The following UGT2B4 variants were observed in gnomAD, a reference collection of about 807,000 sequenced individuals.
UGT2B4 encodes the protein UDP glucuronosyltransferase family 2 member B4.
In UGT2B4, 49 loss-of-function variants were observed where a neutral mutation model predicts 49.8. The observed-to-expected ratio is 0.98, with a 90% CI of 0.78 to 1.25. The LOEUF is 1.25. UGT2B4 is among the 50% of genes most tolerant of loss of function. The probability of loss-of-function intolerance (pLI) is 0.00; values close to 1 mark genes in which losing one functional copy is unlikely to be tolerated. For synonymous variants in UGT2B4, 246 were observed against 217.7 expected, an observed-to-expected ratio of 1.13 and a Z score of -1.14; for missense variants, 729 against 627.7, an observed-to-expected ratio of 1.16 and a Z score of -1.73.
chr4:69,514,844 A>G (rs1348536723), intron 1 of UGT2B4, among the ~76,000 whole-genome samples: 1 of 152,202 alleles, frequency 6.6e-6, no homozygotes, highest in Non-Finnish European at 1.5e-5. Flanking sequence ...GGGATGGAAG[A>G]AAATCTAGAA....
rs369757545 is a variant in UGT2B4, at chr4:69,485,505, C to T, written c.1091-78G>A. ...GCACAATGGAAGAATCTGAATGTGA[C>T]GGTGTTTCCTAGATAACACACTGAA... On this transcript the variant is annotated intron_variant, in intron 4 of 5. Transcript: ENST00000305107. 9.8e-5 allele frequency: 155 copies of T among 1,575,330 alleles called. 1 individual carries two copies. Among genetic ancestry groups the T allele is most frequent in the East Asian group, 9.4e-4 (42 of 44,562 alleles).
intron 1 of UGT2B4, among the ~76,000 whole-genome samples, chr4:69,524,563 G>A (rs34461063): frequency 0.35 from 53,190 of 151,578 alleles, 9,373 homozygotes; most frequent in Non-Finnish European, 0.37. Context: ...AAGGAATATA[G>A]CAATGATGAA....
chr4:69,495,471 C>T lies in UGT2B4; in HGVS notation c.391G>A (p.Val131Ile), dbSNP rs775201128. Residue 131 changes from valine (V) to isoleucine (I), a missense_variant, in exon 1 of 6, where the codon GTT becomes ATT. Val to Ile is a conservative substitution (Grantham distance 29, BLOSUM62 3). Coordinates refer to ENST00000305107, the MANE Select transcript of UGT2B4 (RefSeq NM_021139.3). ...TTCTTCATAAGTTTCTTATTTGAAA[C>T]TATATCCTTACAGAACTTTCTAAGT... Reference protein sequence around the residue: ...DILRKFCKDIVSNKKLMKKLQ... With the variant: ...DILRKFCKDIISNKKLMKKLQ... 1.9e-6 allele frequency: 3 copies of T among 1,612,662 alleles called. No individual in the cohort carries two copies. Among genetic ancestry groups the T allele is most frequent in the East Asian group, 4.5e-5 (2 of 44,776 alleles).
At chr4:69,521,373 A>G (rs1275209242) in intron 1 of UGT2B4, among the ~76,000 whole-genome samples, 1 of 152,168 alleles carries the variant, frequency 6.6e-6, no homozygotes, top group Non-Finnish European at 1.5e-5. Flanking sequence ...GGGGCTCTGC[A>G]GTTCCTGATG....
At chr4:69,483,563 C>T (rs976437116) in intron 5 of UGT2B4, among the ~76,000 whole-genome samples, 5 of 152,050 alleles carry the variant, frequency 3.3e-5, no homozygotes, top group Non-Finnish European at 5.9e-5. Context: ...ATTTGTCTAA[C>T]CTGTTTTATG....
intron 3 of UGT2B4, among the ~76,000 whole-genome samples, chr4:69,488,263 G>A (rs1727853683): frequency 6.6e-6 from 1 of 152,070 alleles, no homozygotes; most frequent in African/African-American, 2.4e-5. Context: ...GCATTTTGCT[G>A]AATTTTGGTC....
chr4:69,480,598 T>A lies in UGT2B4; in HGVS notation c.*36A>T. ...TGTTGTAATAAACTAAAGGAGTTCA[T>A]TTATTGGGTTTCCCAGCTTCCAGCC... On this transcript the variant is annotated 3_prime_UTR_variant, in exon 6 of 6. Transcript: ENST00000305107. 1 of 1,600,668 alleles carries A rather than the reference T, an allele frequency of 6.2e-7. No homozygotes were observed. The highest frequency in any genetic ancestry group is 8.5e-7 in the Non-Finnish European group (1 of 1,172,660).
At chr4:69,509,309 C>T (rs1594586) in intron 1 of UGT2B4, among the ~76,000 whole-genome samples, 144,017 of 151,896 alleles carry the variant, frequency 0.95, 68,755 homozygotes, top group East Asian at 1. Context: ...GTAGCTGGGA[C>T]TACAGGCGCA....
chr4:69,511,267 G>A (rs1184810034), intron 1 of UGT2B4, among the ~76,000 whole-genome samples: 1 of 152,070 alleles, frequency 6.6e-6, no homozygotes, highest in Non-Finnish European at 1.5e-5. Flanking sequence ...TGGGATTACA[G>A]GCTTGAGCCA....
At chr4:69,498,065 G>T (rs534311484), upstream of UGT2B4, among the ~76,000 whole-genome samples, 40 of 152,314 alleles carry the variant, frequency 2.6e-4, no homozygotes, top group African/African-American at 8.7e-4. Flanking sequence ...TTTTAGCAAA[G>T]AAGTGTTTTT....
At chr4:69,495,983 T>A, upstream of UGT2B4, 1 of 1,436,402 alleles carries the variant, frequency 7.0e-7, no homozygotes, top group Non-Finnish European at 9.3e-7. Flanking sequence ...AGTAAATACA[T>A]TATATTAACA....
intron 1 of UGT2B4, among the ~76,000 whole-genome samples, chr4:69,511,148 C>A (rs561587667): frequency 6.6e-6 from 1 of 151,624 alleles, no homozygotes; most frequent in African/African-American, 2.4e-5. Context: ...CATGCCACCA[C>A]GCCGGCTAAT....
chr4:69,515,291 C>CA (rs1340697868), intron 1 of UGT2B4, among the ~76,000 whole-genome samples: 1 of 151,288 alleles, frequency 6.6e-6, no homozygotes, highest in Non-Finnish European at 1.5e-5. Context: ...TCAGCAAACA[C>CA]AAAAAACTGA....
intron 1 of UGT2B4, among the ~76,000 whole-genome samples, chr4:69,511,690 A>T (rs968068984): frequency 6.6e-6 from 1 of 152,136 alleles, no homozygotes; most frequent in Non-Finnish European, 1.5e-5. Context: ...TCATAAAATG[A>T]GTTTGAAAGT....
At chr4:69,522,716 CA>C (rs1371056931) in intron 1 of UGT2B4, among the ~76,000 whole-genome samples, 1 of 152,092 alleles carries the variant, frequency 6.6e-6, no homozygotes, top group African/African-American at 2.4e-5. Flanking sequence ...TAAACTAATG[CA>C]ATAACATTTG....
At chr4:69,485,110 C>A in intron 5 of UGT2B4, 98 bp downstream of exon 5, 2 of 1,402,198 alleles carry the variant, frequency 1.4e-6, no homozygotes, top group Non-Finnish European at 2.0e-6. Context: ...TAAATTCTTT[C>A]GAAATCAGTC....
At chr4:69,496,405 G>A (rs13129471), upstream of UGT2B4, among the ~76,000 whole-genome samples, 88,133 of 151,988 alleles carry the variant, frequency 0.58, 26,470 homozygotes, top group East Asian at 0.75. Flanking sequence ...ATATATTTCA[G>A]AATAGTGTGC....
intron 1 of UGT2B4, among the ~76,000 whole-genome samples, chr4:69,502,628 A>T (rs1371386368): frequency 6.6e-6 from 1 of 151,948 alleles, no homozygotes; most frequent in Non-Finnish European, 1.5e-5. Context: ...CACCAGGCAG[A>T]TCTCCCAAGC....
chr4:69,491,433 G>T (rs866044849), intron 2 of UGT2B4, among the ~76,000 whole-genome samples: 1 of 151,846 alleles, frequency 6.6e-6, no homozygotes, highest in Non-Finnish European at 1.5e-5. Flanking sequence ...GATTTCATGT[G>T]AATATATTAT....
Sources: allele counts gnomAD v4.1 joint callset (sites outside exome capture counted in the v4.1 genomes callset), GRCh38; gene constraint gnomAD v4.1.1; transcripts MANE v1.5; gene names NCBI Gene and HGNC (gene_info 2026-07-23, HGNC 2026-07-21).